ZSCAN25: variants seen among roughly 807,000 people sequenced by gnomAD.
ZSCAN25 encodes zinc finger and SCAN domain-containing protein 25.
ZSCAN25 carries 27 observed loss-of-function variants against 38.7 expected under a neutral mutation model. That is an observed-to-expected ratio of 0.70 (90% CI 0.51 to 0.96). The LOEUF is 0.96. Ranked by LOEUF, ZSCAN25 falls within the 40% of genes least tolerant of loss-of-function variation. The pLI, the probability that ZSCAN25 is intolerant of heterozygous loss-of-function variation, is 0.00. For synonymous variants in ZSCAN25, 273 were observed against 277.7 expected (o/e 0.98, Z 0.17); for missense variants, 637 against 705.9 (o/e 0.90, Z 1.11).
At chr7:99,659,711 G>C in the ZSCAN25 span, 1 of 152,658 alleles carries the variant, frequency 6.6e-6, no homozygotes. Context: ...CTTGAGCTGC[G>C]GTGGGCTTCA....
At chr7:99,652,883 A>G in the ZSCAN25 span, 1 of 790,994 alleles carries the variant, frequency 1.3e-6, no homozygotes, top group South Asian at 1.8e-5. Context: ...AGAATAACTC[A>G]TACTGGTAAA....
At chr7:99,703,112 T>C in the ZSCAN25 span, among the ~76,000 whole-genome samples, 6 of 152,262 alleles carry the variant, frequency 3.9e-5, no homozygotes, top group Admixed American at 1.3e-4. Context: ...ACTGCAACTT[T>C]ACTGAATATT....
At chr7:99,658,469 TTG>T in the ZSCAN25 span, among the ~76,000 whole-genome samples, 1 of 152,058 alleles carries the variant, frequency 6.6e-6, no homozygotes, top group East Asian at 1.9e-4. Context: ...TCTGATGGGT[TTG>T]TGTTTGTGGG....
the ZSCAN25 span, among the ~76,000 whole-genome samples, chr7:99,726,669 C>G: frequency 5.3e-5 from 8 of 152,182 alleles, no homozygotes; most frequent in South Asian, 4.2e-4. Flanking sequence ...CAGCCAAGCT[C>G]TCTCTCATGA....
the ZSCAN25 span, among the ~76,000 whole-genome samples, chr7:99,669,230 C>T: frequency 3.3e-5 from 5 of 152,246 alleles, no homozygotes; most frequent in South Asian, 2.1e-4. Flanking sequence ...TTAATTTCCA[C>T]GGAATTTGTG....
At position 99,619,765 on chromosome 7, in the gene ZSCAN25, A is replaced by T. The variant is rs1198908296; in HGVS notation, c.159A>T (p.Ala53=). ...TTCGGCAGTTCCGCTACCAGGAGGC[A>T]GCTGGACCCCAGGAAGCTCTTAGGG... The part of the protein sequence containing the change: ...LRFRQFRYQE[A]AGPQEALREL... Residue 53 remains alanine, a synonymous_variant, in exon 4 of 8, where the codon GCA becomes GCT. Transcript: ENST00000394152. 9.9e-6 allele frequency: 16 copies of T among 1,614,142 alleles called. No homozygotes were observed. The highest frequency in any genetic ancestry group is 1.4e-5 in the Non-Finnish European group (16 of 1,180,058).
At chr7:99,686,147 A>G in the ZSCAN25 span, among the ~76,000 whole-genome samples, 1 of 152,278 alleles carries the variant, frequency 6.6e-6, no homozygotes, top group South Asian at 2.1e-4. Context: ...AGGGAGTGCC[A>G]GACAGTGGGT....
rs1052413303 is a variant in ZSCAN25, at chr7:99,624,131, A to C, written c.756A>C (p.Ile252=). 5.0e-6 allele frequency: 8 copies of C among 1,614,048 alleles called. No homozygotes were observed. Among genetic ancestry groups the C allele is most frequent in the Non-Finnish European group, 6.8e-6 (8 of 1,179,992 alleles). ...EEWRHVTPAQ[I]DCFGEYVEPQ... The stretch of plus-strand genomic sequence containing the variant: ...GGAGGCATGTGACCCCAGCCCAGAT[A>C]GACTGCTTTGGGGAGTATGTGGAAC... Residue 252 remains isoleucine (I), a synonymous_variant, in exon 7 of 8, where the codon ATA becomes ATC. Coordinates refer to ENST00000394152, the MANE Select transcript of ZSCAN25 (RefSeq NM_145115.3).
the ZSCAN25 span, among the ~76,000 whole-genome samples, chr7:99,737,139 T>G: frequency 1.3e-5 from 2 of 152,114 alleles, no homozygotes; most frequent in Non-Finnish European, 2.9e-5. Context: ...CTGAGCACAT[T>G]AAATAGGGCC....
the ZSCAN25 span, among the ~76,000 whole-genome samples, chr7:99,675,690 TTC>T: frequency 3.4e-4 from 3 of 8,726 alleles, no homozygotes; most frequent in Admixed American, 1.5e-3. Context: ...CTCTCTTTCT[TTC>T]TCTCTCTCTC....
At chr7:99,672,454 A>G in the ZSCAN25 span, 7 of 767,752 alleles carry the variant, frequency 9.1e-6, no homozygotes. Flanking sequence ...GCGGGACAGG[A>G]TGAAGAGTAC....
the ZSCAN25 span, chr7:99,731,071 C>A: frequency 1.9e-6 from 3 of 1,613,778 alleles, no homozygotes; most frequent in South Asian, 3.3e-5. Context: ...TACGGAAGGA[C>A]AAAGCATTTC....
At chr7:99,644,069 A>G in the ZSCAN25 span, among the ~76,000 whole-genome samples, 4 of 152,168 alleles carry the variant, frequency 2.6e-5, no homozygotes, top group Admixed American at 6.5e-5. Context: ...AATCTCTTGG[A>G]GATGGTCATC....
In ZSCAN25 at chr7:99,619,654, G is replaced by C. The variant is rs767644729; in HGVS notation, c.48G>C (p.Leu16Phe). The C allele has an allele frequency of 1.2e-6, 2 of 1,614,218 alleles. No homozygotes were observed. The highest frequency in any genetic ancestry group is 1.7e-5 in the Admixed American group (1 of 60,036). ...PEMAEAPQQQ[L>F]GIPVVKLEKE... ...TGGCGGAAGCTCCTCAGCAGCAGTT[G>C]GGTATTCCTGTGGTGAAACTGGAGA... Residue 16 changes from leucine (L) to phenylalanine (F), a missense_variant, in exon 4 of 8, where the codon TTG (leucine) becomes TTC (phenylalanine). Physicochemically the swap from Leu to Phe is conservative, Grantham distance 22. Coordinates refer to ENST00000394152, the MANE Select transcript of ZSCAN25 (RefSeq NM_145115.3).
chr7:99,688,856 A>C, the ZSCAN25 span, among the ~76,000 whole-genome samples: 1 of 152,268 alleles, frequency 6.6e-6, no homozygotes, highest in South Asian at 2.1e-4. Flanking sequence ...ACTCAGGATT[A>C]AGAAGCTCAC....
chr7:99,630,783 T>A lies in ZSCAN25; in HGVS notation c.*763T>A. ...CCATTATTCCTTGCACTATAACAAC[T>A]GTCAACACACCAACTATTAGGAAGT... On this transcript the variant is annotated 3_prime_UTR_variant, in exon 8 of 8. Coordinates refer to ENST00000394152, the MANE Select transcript of ZSCAN25 (RefSeq NM_145115.3). 3 of 985,452 alleles carry A rather than the reference T, an allele frequency of 3.0e-6. No homozygotes were observed. Among genetic ancestry groups the A allele is most frequent in the Non-Finnish European group, 3.6e-6 (3 of 829,934 alleles). 61.0% of individuals were successfully genotyped at this position (985,452 alleles called of 1,614,324 possible). A position where few individuals can be genotyped will look rare whatever the true frequency, so the allele number is the denominator to read the frequency against.
the ZSCAN25 span, chr7:99,699,933 A>G: frequency 4.1e-6 from 6 of 1,471,828 alleles, no homozygotes; most frequent in Non-Finnish European, 4.8e-6. Context: ...GTCCAAGTTA[A>G]CAGAGGAGAG....
chr7:99,720,379 G>C, the ZSCAN25 span: 1 of 1,613,774 alleles, frequency 6.2e-7, no homozygotes, highest in East Asian at 2.2e-5. Context: ...CGGGATCTGT[G>C]ATAGCCAGCA....
chr7:99,658,173 G>A, the ZSCAN25 span, among the ~76,000 whole-genome samples: 1 of 152,126 alleles, frequency 6.6e-6, no homozygotes, highest in Non-Finnish European at 1.5e-5. Flanking sequence ...TTTCTCCTTA[G>A]CCTCGATGGT....
Sources: allele counts gnomAD v4.1 joint callset (sites outside exome capture counted in the v4.1 genomes callset), GRCh38; gene constraint gnomAD v4.1.1; transcripts MANE v1.5; gene names NCBI Gene and HGNC (gene_info 2026-07-23, HGNC 2026-07-21).